The following CTSB variants were observed in gnomAD, a reference collection of about 807,000 sequenced individuals.
CTSB encodes the protein cathepsin B.
A neutral mutation model predicts 44.3 loss-of-function variants in CTSB; 57 were observed. The ratio of observed to expected loss-of-function variants is 1.29; its 90% CI spans 1.04 to 1.60. The LOEUF (loss-of-function observed/expected upper bound fraction) is 1.60, where lower values mean the gene tolerates loss of function less well. Among genes scored for constraint, CTSB ranks in the 40% most tolerant of loss-of-function variants. The pLI is 0.00. For missense variants in CTSB, 768 were observed against 443.0 expected (o/e 1.73, Z -6.59); for synonymous variants, 320 against 168.0 (o/e 1.91, Z -7.00).
At chr8:11,859,421 T>TGACACC (rs1816029850) in intron 1 of CTSB, among the ~76,000 whole-genome samples, 1 of 152,116 alleles carries the variant, frequency 6.6e-6, no homozygotes, top group African/African-American at 2.4e-5. Flanking sequence ...TGTTAAGTCC[T>TGACACC]GACACCCTTA....
intron 4 of CTSB, chr8:11,849,638 T>G (rs1300557840): frequency 1.3e-5 from 2 of 153,274 alleles, no homozygotes; most frequent in African/African-American, 4.9e-5. Flanking sequence ...TGGAATGCAG[T>G]GGCGCAATCT....
chr8:11,858,122 G>A (rs958428294), intron 1 of CTSB, among the ~76,000 whole-genome samples: 3 of 152,096 alleles, frequency 2.0e-5, no homozygotes, highest in African/African-American at 7.3e-5. Flanking sequence ...ATGAAATGAG[G>A]AGGACCAAAG....
chr8:11,847,374 C>G (rs1252976077), intron 7 of CTSB, among the ~76,000 whole-genome samples: 1 of 152,100 alleles, frequency 6.6e-6, no homozygotes, highest in Non-Finnish European at 1.5e-5. Flanking sequence ...GAGAACGGAG[C>G]AATGAGCACG....
intron 1 of CTSB, among the ~76,000 whole-genome samples, chr8:11,859,675 G>C (rs999899053): frequency 2.7e-5 from 4 of 147,600 alleles, no homozygotes; most frequent in East Asian, 2.0e-4. Context: ...GGCTGAGGCA[G>C]GAGAATCACT....
intron 5 of CTSB, 32 bp downstream of exon 5, chr8:11,849,014 T>C (rs755500048): frequency 6.4e-7 from 1 of 1,556,166 alleles, no homozygotes; most frequent in Non-Finnish European, 8.9e-7. Flanking sequence ...CTCTCAGCAC[T>C]AAACCCGCTG....
chr8:11,858,363 T>C (rs543758206), intron 1 of CTSB, among the ~76,000 whole-genome samples: 6 of 152,154 alleles, frequency 3.9e-5, no homozygotes, highest in Non-Finnish European at 8.8e-5. Flanking sequence ...GGCACGATCA[T>C]GGCTCACTGC....
At position 11,845,597 on chromosome 8, in the gene CTSB, C is replaced by CGAGAT. The variant is rs1813150459; in HGVS notation, c.922+59_922+63dup. On this transcript the variant is annotated intron_variant, in intron 9 of 9. Coordinates refer to ENST00000353047, the MANE Select transcript of CTSB (RefSeq NM_001908.5). ...GTGCGGTGGGTAGAACAGAGAAAGC[C>CGAGAT]GAGATGGCCACGGGGTGTGGCTCAC... 17 of 1,571,680 alleles carry CGAGAT rather than the reference C, an allele frequency of 1.1e-5. No homozygotes were observed. The South Asian group carries it at 1.9e-4, about 17-fold the overall frequency.
chr8:11,859,276 G>C (rs772998115), intron 1 of CTSB, among the ~76,000 whole-genome samples: 1 of 152,102 alleles, frequency 6.6e-6, no homozygotes, highest in South Asian at 2.1e-4. Context: ...CTATCAACCA[G>C]AGCACCTTCC....
At chr8:11,865,068 G>A (rs1220658767) in intron 1 of CTSB, among the ~76,000 whole-genome samples, 3 of 152,164 alleles carry the variant, frequency 2.0e-5, no homozygotes, top group African/African-American at 4.8e-5. Context: ...CCTGGGACCA[G>A]ACGTAGAGAC....
At chr8:11,852,018 C>T (rs918294487) in intron 3 of CTSB, among the ~76,000 whole-genome samples, 5 of 152,166 alleles carry the variant, frequency 3.3e-5, no homozygotes, top group Non-Finnish European at 7.3e-5. Flanking sequence ...TGAGTCTGCC[C>T]ACATAGTGGG....
In CTSB at chr8:11,842,846, G is replaced by A. The variant is rs1275847278; in HGVS notation, c.*2279C>T. On this transcript the variant is annotated 3_prime_UTR_variant, in exon 10 of 10. Coordinates refer to ENST00000353047, the MANE Select transcript of CTSB (RefSeq NM_001908.5). ...AGATGGGGTTTCACCGTGTTGCCAA[G>A]GCTGATCTCAAAACTCCTGACCTCA... 1 of 150,706 alleles carries A rather than the reference G, an allele frequency of 6.6e-6. No individual in the cohort carries two copies. Among genetic ancestry groups the A allele is most frequent in the Non-Finnish European group, 1.5e-5 (1 of 67,930 alleles). The allele number at this position is 150,706 out of a possible 1,614,324, so 9.3% of individuals were successfully genotyped here.
At chr8:11,846,981 A>C in intron 8 of CTSB, 71 bp downstream of exon 8, 1 of 831,668 alleles carries the variant, frequency 1.2e-6, no homozygotes, top group Non-Finnish European at 2.1e-6. Context: ...ATTGGTCAAC[A>C]TGAACCATCC....
intron 6 of CTSB, 120 bp from the exon 7 acceptor site, chr8:11,847,942 C>A (rs929947409): frequency 7.4e-6 from 10 of 1,345,816 alleles, no homozygotes; most frequent in Non-Finnish European, 1.0e-5. Flanking sequence ...GGCCTGTGCA[C>A]CTGGCTAGCA....
At chr8:11,865,637 C>G (rs1470374997) in intron 1 of CTSB, 1 of 151,398 alleles carries the variant, frequency 6.6e-6, no homozygotes, top group Non-Finnish European at 1.5e-5. Flanking sequence ...CCTGTAACTC[C>G]TCCCTCTCAA....
chr8:11,864,427 G>A (rs1816835299), intron 1 of CTSB: 1 of 151,944 alleles, frequency 6.6e-6, no homozygotes, highest in East Asian at 1.9e-4. Context: ...GGTGGCTGAG[G>A]CTGCCGTGAG....
At chr8:11,860,411 C>G (rs1293521865) in intron 1 of CTSB, among the ~76,000 whole-genome samples, 1 of 152,154 alleles carries the variant, frequency 6.6e-6, no homozygotes, top group Non-Finnish European at 1.5e-5. Flanking sequence ...CACCTGAGGT[C>G]AGGAGTTCGA....
Position 11,844,869 on chromosome 8 carries a change from G to C in CTSB, c.*256C>G. On this transcript the variant is annotated 3_prime_UTR_variant, in exon 10 of 10. Transcript: ENST00000353047. ...GGGGCCACAGTCAGCTGGGGCAGCA[G>C]GTACTCCCTACGGCACTAGTCTACA... The C allele has an allele frequency of 2.2e-6, 1 of 464,102 alleles. No individual in the cohort carries two copies. The highest frequency in any genetic ancestry group is 3.9e-6 in the Non-Finnish European group (1 of 257,810). The allele number at this position is 464,102 out of a possible 1,614,324, so 28.7% of individuals were successfully genotyped here.
In CTSB at chr8:11,847,089, A is replaced by G; in HGVS notation, c.756T>C (p.Ala252=). The change falls in exon 8 of 10, where the codon GCT becomes GCC. Residue 252 remains alanine, a synonymous_variant. Transcript: ENST00000353047. ...GCAGGAAGTCCGAATACACAGAGAA[A>G]GCTCCCTCCACGGGGCCGTTTTTGT... ...EIYKNGPVEG[A]FSVYSDFLLY... is the part of the protein sequence containing the mutation. The G allele has an allele frequency of 6.2e-7, 1 of 1,613,010 alleles. No homozygotes were observed. Among genetic ancestry groups the G allele is most frequent in the Non-Finnish European group, 8.5e-7 (1 of 1,178,998 alleles).
At chr8:11,855,582 C>T (rs1815366159) in intron 1 of CTSB, among the ~76,000 whole-genome samples, 1 of 152,170 alleles carries the variant, frequency 6.6e-6, no homozygotes, top group Non-Finnish European at 1.5e-5. Context: ...GCTTGCATTA[C>T]ACTGAAAAGT....
Sources: gnomAD v4.1 joint callset for allele counts (sites outside exome capture counted in the v4.1 genomes callset) on GRCh38, gnomAD v4.1.1 for gene constraint, MANE v1.5 for transcripts, NCBI Gene and HGNC (gene_info 2026-07-23, HGNC 2026-07-21) for gene names.